Variants in NRXN1 observed in about 807,000 individuals in gnomAD.
NRXN1 encodes the protein neurexin-1.
NRXN1 carries 39 observed loss-of-function variants against 150.9 expected under a neutral mutation model. The observed-to-expected ratio is 0.26, with a 90% CI of 0.20 to 0.34. The LOEUF (loss-of-function observed/expected upper bound fraction) is 0.34, where lower values mean the gene tolerates loss of function less well. NRXN1 is among the 10% of genes least tolerant of loss of function. The probability of loss-of-function intolerance (pLI) is 1.00; values close to 1 mark genes in which losing one functional copy is unlikely to be tolerated. For synonymous variants in NRXN1, 924 were observed against 757.0 expected, an observed-to-expected ratio of 1.22 and a Z score of -3.62; for missense variants, 1,815 against 1,949.9, an observed-to-expected ratio of 0.93 and a Z score of 1.30.
intron 18 of NRXN1, among the ~76,000 whole-genome samples, chr2:50,098,328 C>T (rs1700508954): frequency 6.6e-6 from 1 of 152,060 alleles, no homozygotes; most frequent in African/African-American, 2.4e-5. Context: ...TACTCATACC[C>T]ACAAAAGAGT....
chr2:50,840,644 T>C (rs543920047), intron 5 of NRXN1, among the ~76,000 whole-genome samples: 1 of 152,248 alleles, frequency 6.6e-6, no homozygotes, highest in East Asian at 1.9e-4. Flanking sequence ...CCTGAGGGGA[T>C]TCATGGTTAC....
At chr2:50,536,073 G>A (rs114471389) in intron 10 of NRXN1, among the ~76,000 whole-genome samples, 3,189 of 152,230 alleles carry the variant, frequency 0.021, 44 homozygotes, top group Non-Finnish European at 0.032. Context: ...TTGGAAATTC[G>A]GAGGTTCAGG....
chr2:50,079,250 C>A (rs1697562923), intron 19 of NRXN1, among the ~76,000 whole-genome samples: 1 of 151,956 alleles, frequency 6.6e-6, no homozygotes, highest in Admixed American at 6.6e-5. Context: ...TCTTACGCTC[C>A]TTTGTCATGC....
intron 21 of NRXN1, among the ~76,000 whole-genome samples, chr2:49,953,028 C>A (rs1340544081): frequency 1.3e-5 from 2 of 152,100 alleles, no homozygotes; most frequent in Non-Finnish European, 2.9e-5. Flanking sequence ...TAGAAGGAGC[C>A]ACATTTACCT....
chr2:49,924,284 C>T (rs766126551), intron 22 of NRXN1, among the ~76,000 whole-genome samples: 4 of 152,272 alleles, frequency 2.6e-5, no homozygotes, highest in African/African-American at 9.6e-5. Flanking sequence ...CTCACTTTTA[C>T]TCTGTCTGCC....
intron 5 of NRXN1, among the ~76,000 whole-genome samples, chr2:50,843,495 C>T (rs1287497721): frequency 6.6e-6 from 1 of 152,150 alleles, no homozygotes; most frequent in Non-Finnish European, 1.5e-5. Flanking sequence ...GGACTTTAGA[C>T]TTTTCCCCTA....
chr2:50,691,347 T>C (rs915549585), intron 5 of NRXN1, among the ~76,000 whole-genome samples: 9 of 152,252 alleles, frequency 5.9e-5, no homozygotes, highest in Non-Finnish European at 1.3e-4. Flanking sequence ...CAGAATAGTG[T>C]TTTTAGGCTT....
intron 5 of NRXN1, chr2:50,632,915 G>A (rs1356490656): frequency 1.3e-5 from 2 of 151,980 alleles, no homozygotes; most frequent in Non-Finnish European, 2.9e-5. Flanking sequence ...TAAATCATTG[G>A]AAGCAATCTC....
chr2:50,572,061 G>T (rs1198915362), intron 8 of NRXN1, among the ~76,000 whole-genome samples: 1 of 152,126 alleles, frequency 6.6e-6, no homozygotes, highest in Non-Finnish European at 1.5e-5. Flanking sequence ...AAAGACTCTG[G>T]CGGGTTGCAG....
At chr2:50,219,689 C>A (rs1464289550) in intron 18 of NRXN1, among the ~76,000 whole-genome samples, 1 of 150,434 alleles carries the variant, frequency 6.6e-6, no homozygotes, top group South Asian at 2.1e-4. Flanking sequence ...GAGTTAGAGA[C>A]CAACCTGGGC....
chr2:50,880,414 T>A (rs1425740009), intron 5 of NRXN1, among the ~76,000 whole-genome samples: 1 of 151,984 alleles, frequency 6.6e-6, no homozygotes, highest in Non-Finnish European at 1.5e-5. Context: ...AGAATAGTCA[T>A]ATGTGATCAC....
chr2:50,194,312 T>C (rs1055513463), intron 18 of NRXN1, among the ~76,000 whole-genome samples: 1 of 152,288 alleles, frequency 6.6e-6, no homozygotes, highest in East Asian at 1.9e-4. Flanking sequence ...TTCCAACAGC[T>C]AAACAGAAGA....
chr2:51,031,267 C>G (rs985294170), intron 1 of NRXN1, among the ~76,000 whole-genome samples: 4 of 152,072 alleles, frequency 2.6e-5, no homozygotes, highest in African/African-American at 4.8e-5. Flanking sequence ...AAGAAGCGCT[C>G]TAATTCAAAA....
At chr2:50,234,995 G>A (rs2065284160) in intron 18 of NRXN1, among the ~76,000 whole-genome samples, 1 of 151,968 alleles carries the variant, frequency 6.6e-6, no homozygotes, top group African/African-American at 2.4e-5. Flanking sequence ...AAAACTCTTT[G>A]ACCATAAAAT....
chr2:50,924,073 CATATTTTTT>C (rs1686499616), intron 3 of NRXN1, among the ~76,000 whole-genome samples: 1 of 151,778 alleles, frequency 6.6e-6, no homozygotes. Context: ...GTCCAGGTTA[CATATTTTTT>C]CATTTAATTT....
rs998179084 is a variant in NRXN1 at position 50,608,017 on chromosome 2, T to C, written c.1320+12005A>G. Among the ~76,000 whole-genome samples, 3 of 151,922 alleles carry C rather than the reference T, an allele frequency of 2.0e-5. No homozygotes were observed. The South Asian group carries it at 6.2e-4, about 32-fold the overall frequency. On this transcript the variant is annotated intron_variant, in intron 8 of 22. Coordinates refer to ENST00000401669, the MANE Select transcript of NRXN1 (RefSeq NM_001330078.2). The stretch of plus-strand genomic sequence containing the variant: ...CTCCAGAAAGAAGGCCAAGCCCACC[T>C]GGGGCCTGGGGGTAAATGAGAAGCC...
intron 5 of NRXN1, among the ~76,000 whole-genome samples, chr2:50,664,754 A>C (rs569397709): frequency 7.3e-4 from 111 of 151,628 alleles, no homozygotes; most frequent in Admixed American, 2.7e-3. Context: ...GGTTGACATA[A>C]TAAAAGATGG....
At chr2:50,439,677 C>A (rs1374105559) in intron 17 of NRXN1, among the ~76,000 whole-genome samples, 6 of 151,646 alleles carry the variant, frequency 4.0e-5, no homozygotes, top group African/African-American at 1.5e-4. Flanking sequence ...ATTAGTCGGG[C>A]GTGGTGGCGG....
intron 17 of NRXN1, among the ~76,000 whole-genome samples, chr2:50,446,905 T>C (rs892809940): frequency 2.6e-5 from 4 of 152,152 alleles, no homozygotes; most frequent in African/African-American, 9.7e-5. Flanking sequence ...TAATTGTGCC[T>C]TGTCTGATTT....
Sources: allele counts gnomAD v4.1 joint callset (sites outside exome capture counted in the v4.1 genomes callset), GRCh38; gene constraint gnomAD v4.1.1; transcripts MANE v1.5; gene names NCBI Gene and HGNC (gene_info 2026-07-23, HGNC 2026-07-21).